Variants in SLC9A9 observed in about 807,000 individuals in gnomAD.
The protein encoded by SLC9A9 is sodium/hydrogen exchanger 9.
Under a neutral mutation model 77.8 loss-of-function variants are expected in SLC9A9, and 62 were observed. The ratio of observed to expected loss-of-function variants is 0.80; its 90% CI spans 0.65 to 0.98. SLC9A9 has a LOEUF of 0.98. Ranked by LOEUF, SLC9A9 falls within the 50% of genes least tolerant of loss-of-function variation. The probability of loss-of-function intolerance (pLI) is 0.00; values close to 1 mark genes in which losing one functional copy is unlikely to be tolerated. For synonymous variants in SLC9A9, 320 were observed against 283.5 expected (o/e 1.13, Z -1.29); for missense variants, 775 against 774.9 (o/e 1.00, Z 0.00).
At chr3:143,783,652 CTA>C (rs1465997702) in intron 4 of SLC9A9, among the ~76,000 whole-genome samples, 1 of 152,078 alleles carries the variant, frequency 6.6e-6, no homozygotes, top group Admixed American at 6.5e-5. Context: ...AAATGTAACA[CTA>C]TTTTCATAAA....
intron 1 of SLC9A9, among the ~76,000 whole-genome samples, chr3:143,840,274 A>G (rs978677533): frequency 6.6e-6 from 1 of 152,202 alleles, no homozygotes; most frequent in African/African-American, 2.4e-5. Context: ...CAGTCTTGAA[A>G]TTCCATCAAA....
intron 9 of SLC9A9, among the ~76,000 whole-genome samples, chr3:143,522,232 C>T (rs2108614318): frequency 6.6e-6 from 1 of 152,278 alleles, no homozygotes; most frequent in East Asian, 1.9e-4. Context: ...ATCGTAGATA[C>T]AGTTGCTCAC....
At chr3:143,513,306 T>C (rs1052353913) in intron 9 of SLC9A9, among the ~76,000 whole-genome samples, 16 of 152,232 alleles carry the variant, frequency 1.1e-4, no homozygotes, top group Non-Finnish European at 2.4e-4. Flanking sequence ...ATCTTCACAA[T>C]GGATTTTCTT....
chr3:143,662,599 C>CT (rs1316160890), intron 5 of SLC9A9, among the ~76,000 whole-genome samples: 1 of 151,980 alleles, frequency 6.6e-6, no homozygotes, highest in Non-Finnish European at 1.5e-5. Context: ...CACTCGTGCT[C>CT]TAATACTGTG....
At position 143,384,977 on chromosome 3, in the gene SLC9A9, T is replaced by G. The variant is rs572661833; in HGVS notation, c.1470-2863A>C. On this transcript the variant is annotated intron_variant, in intron 12 of 15. Coordinates refer to ENST00000316549, the MANE Select transcript of SLC9A9 (RefSeq NM_173653.4). ...GAAAATCTGGCTAATATATGTTTCTTGGCTACCTGCCTCCTTAAATAGTGT... is the reference window on the plus strand; with the variant it reads ...GAAAATCTGGCTAATATATGTTTCTGGGCTACCTGCCTCCTTAAATAGTGT... Among the ~76,000 whole-genome samples, 3 of 152,368 alleles carry G rather than the reference T, an allele frequency of 2.0e-5. No individual in the cohort carries two copies. In the East Asian group the frequency reaches 5.8e-4, roughly 29 times the overall value.
chr3:143,383,168 AAC>A (rs1339066687), intron 12 of SLC9A9, among the ~76,000 whole-genome samples: 2 of 152,240 alleles, frequency 1.3e-5, no homozygotes, highest in African/African-American at 4.8e-5. Context: ...AAGAATTTTC[AAC>A]AGAGTCCCCA....
chr3:143,772,004 C>A (rs959158592), intron 4 of SLC9A9, among the ~76,000 whole-genome samples: 1 of 150,064 alleles, frequency 6.7e-6, no homozygotes, highest in South Asian at 2.1e-4. Flanking sequence ...TCCAAGACAG[C>A]CTCAGAGCAT....
intron 6 of SLC9A9, among the ~76,000 whole-genome samples, chr3:143,635,601 T>G (rs1459043709): frequency 6.6e-6 from 1 of 152,360 alleles, no homozygotes; most frequent in Admixed American, 6.5e-5. Context: ...TCCATACAAA[T>G]AGCCTCCAGC....
At chr3:143,633,322 T>A (rs143308743) in intron 6 of SLC9A9, among the ~76,000 whole-genome samples, 5 of 152,360 alleles carry the variant, frequency 3.3e-5, no homozygotes, top group African/African-American at 1.2e-4. Flanking sequence ...ATTAAGGCTA[T>A]GTAAAAGTAT....
intron 6 of SLC9A9, among the ~76,000 whole-genome samples, chr3:143,642,423 G>C (rs566937808): frequency 1.3e-5 from 2 of 152,222 alleles, no homozygotes; most frequent in South Asian, 4.1e-4. Context: ...TCTAGGTGGA[G>C]GCTTAACACT....
intron 14 of SLC9A9, among the ~76,000 whole-genome samples, chr3:143,305,249 G>A (rs1257646262): frequency 1.3e-5 from 2 of 152,182 alleles, no homozygotes; most frequent in Admixed American, 6.5e-5. Flanking sequence ...GGTGACTCGT[G>A]TTCCCTCCTC....
At chr3:143,617,174 A>T (rs1472692079) in intron 6 of SLC9A9, among the ~76,000 whole-genome samples, 1 of 152,222 alleles carries the variant, frequency 6.6e-6, no homozygotes, top group Non-Finnish European at 1.5e-5. Flanking sequence ...CATCACGTGG[A>T]GTCTCTAGAG....
At chr3:143,310,881 G>C (rs2030994084) in intron 14 of SLC9A9, among the ~76,000 whole-genome samples, 1 of 152,152 alleles carries the variant, frequency 6.6e-6, no homozygotes, top group South Asian at 2.1e-4. Flanking sequence ...AAGATATTCT[G>C]GGTCTAAAAT....
chr3:143,312,429 C>T lies in SLC9A9; in HGVS notation c.1605-43449G>A, dbSNP rs2031049304. On this transcript the variant is annotated intron_variant, in intron 14 of 15. Transcript: ENST00000316549. The stretch of plus-strand genomic sequence containing the variant: ...AATCTTTGACTATCTCTGAACCTGT[C>T]CCAGAGGAGAGAAGGAGGTGAGCTG... Among the ~76,000 whole-genome samples the T allele has an allele frequency of 2.0e-5, 3 of 152,224 alleles. No homozygotes were observed. In the South Asian group the frequency reaches 6.2e-4, roughly 31 times the overall value.
At chr3:143,710,427 C>G (rs1467997697) in intron 4 of SLC9A9, among the ~76,000 whole-genome samples, 1 of 152,286 alleles carries the variant, frequency 6.6e-6, no homozygotes, top group East Asian at 1.9e-4. Flanking sequence ...CTTCCACAGG[C>G]CAAGTAACCA....
chr3:143,317,763 T>G (rs2031269125), intron 14 of SLC9A9, among the ~76,000 whole-genome samples: 1 of 152,126 alleles, frequency 6.6e-6, no homozygotes, highest in Non-Finnish European at 1.5e-5. Context: ...AGTCTCGCTC[T>G]GTCACCCAGG....
chr3:143,740,065 C>T lies in SLC9A9; in HGVS notation c.534-46758G>A, dbSNP rs764857127. Among the ~76,000 whole-genome samples the T allele has an allele frequency of 2.0e-5, 3 of 152,154 alleles. No individual in the cohort carries two copies. In the East Asian group the frequency reaches 5.8e-4, roughly 29 times the overall value. ...CATCAGGACTGTGTTATTGAAGATG[C>T]TGACAAAGTCCAACTTCTACTAAGA... On this transcript the variant is annotated intron_variant, in intron 4 of 15. Transcript: ENST00000316549.
intron 11 of SLC9A9, among the ~76,000 whole-genome samples, chr3:143,481,669 T>C (rs1445319182): frequency 2.0e-5 from 3 of 152,304 alleles, no homozygotes; most frequent in Non-Finnish European, 2.9e-5. Flanking sequence ...TAGGGATCTG[T>C]TAGAATGCAG....
chr3:143,331,881 A>G (rs529330152), intron 14 of SLC9A9, among the ~76,000 whole-genome samples: 2 of 152,272 alleles, frequency 1.3e-5, no homozygotes, highest in South Asian at 4.1e-4. Flanking sequence ...GGAGAGAGAG[A>G]AATTATATTT....
Sources: gnomAD v4.1 joint callset for allele counts (sites outside exome capture counted in the v4.1 genomes callset) on GRCh38, gnomAD v4.1.1 for gene constraint, MANE v1.5 for transcripts, NCBI Gene and HGNC (gene_info 2026-07-23, HGNC 2026-07-21) for gene names.